The following LOXL3 variants were observed in gnomAD, a reference collection of about 807,000 sequenced individuals.
LOXL3 encodes lysyl oxidase like 3, also known as lysyl oxidase homolog 3.
LOXL3 carries 60 observed loss-of-function variants against 91.8 expected under a neutral mutation model. The ratio of observed to expected loss-of-function variants is 0.65; its 90% CI spans 0.53 to 0.81. LOXL3 has a LOEUF of 0.81. Among genes scored for constraint, LOXL3 ranks in the 30% least tolerant of loss-of-function variants. The probability of loss-of-function intolerance (pLI) is 0.00; values close to 1 mark genes in which losing one functional copy is unlikely to be tolerated. For missense variants in LOXL3, 874 were observed against 1,000.4 expected (o/e 0.87, Z 1.70); for synonymous variants, 355 against 387.6 (o/e 0.92, Z 0.99).
chr2:74,554,768 T>A (rs910621810), upstream of LOXL3: 4 of 1,613,128 alleles, frequency 2.5e-6, no homozygotes, highest in African/African-American at 5.3e-5. This position sits in a 1 kb window ranked among gnomAD's most constrained non-coding sequence, Gnocchi z 4.9. Flanking sequence ...GACGGAGCAG[T>A]GATGGAAGGG....
In LOXL3 at chr2:74,534,511, T is replaced by C; in HGVS notation, c.1823+20A>G. The C allele has an allele frequency of 6.2e-7, 1 of 1,613,842 alleles. No individual in the cohort carries two copies. The highest frequency in any genetic ancestry group is 1.3e-5 in the African/African-American group (1 of 75,052). On this transcript the variant is annotated intron_variant, in intron 10 of 13. Transcript: ENST00000264094. ...ATCCCCCGTGGTCTTGCCCTTCTACTTGACTCCCTACCCTCTCACCCATGG... is the reference window on the plus strand; with the variant it reads ...ATCCCCCGTGGTCTTGCCCTTCTACCTGACTCCCTACCCTCTCACCCATGG...
rs769838891 is a variant in LOXL3, at chr2:74,535,586, A to G, written c.1416+2T>C. Reference sequence around the variant, plus strand: ...CTCGGCTCCCCTTTCCTTCCCACTCACCTGCAGGCCGTGGTTGGCGTAGCC... The same window carrying G: ...CTCGGCTCCCCTTTCCTTCCCACTCGCCTGCAGGCCGTGGTTGGCGTAGCC... On this transcript the variant is annotated splice_donor_variant, in intron 8 of 13. Coordinates refer to ENST00000264094, the MANE Select transcript of LOXL3 (RefSeq NM_032603.5). LOFTEE classifies it high-confidence loss of function. The surrounding 1 kb of genome is among the most constrained non-coding windows in gnomAD (Gnocchi z 4.2). 1.2e-6 allele frequency: 2 copies of G among 1,613,310 alleles called. No individual in the cohort carries two copies. The highest frequency in any genetic ancestry group is 1.7e-6 in the Non-Finnish European group (2 of 1,179,912).
chr2:74,540,725 T>C (rs1415032559), intron 4 of LOXL3, among the ~76,000 whole-genome samples: 1 of 144,854 alleles, frequency 6.9e-6, no homozygotes, highest in African/African-American at 2.5e-5. Flanking sequence ...CAGTGAGCCA[T>C]GGTGCAACCA....
At chr2:74,550,490 G>C in intron 2 of LOXL3, 142 bp from the exon 3 acceptor site, 1 of 861,722 alleles carries the variant, frequency 1.2e-6, no homozygotes, top group South Asian at 1.7e-5. Flanking sequence ...GGGTGGAGAC[G>C]GGACAGGGGA....
intron 4 of LOXL3, among the ~76,000 whole-genome samples, chr2:74,547,118 T>C (rs1421314840): frequency 6.6e-6 from 1 of 150,626 alleles, no homozygotes; most frequent in Admixed American, 6.6e-5. Context: ...TCAAGCAATC[T>C]TCCCACCTCA....
chr2:74,534,244 G>T lies in LOXL3; in HGVS notation c.1940-8C>A. On this transcript the variant is annotated splice_polypyrimidine_tract_variant and splice_region_variant and intron_variant, in intron 11 of 13. Transcript: ENST00000264094. ...CATACCGCTTGGAGACATCTGGAGG[G>T]ATTGGCATATGTCAGTGTAAGGAAA... is the stretch of plus-strand genomic sequence containing the variant. The T allele has an allele frequency of 6.2e-7, 1 of 1,614,214 alleles. No individual in the cohort carries two copies. The highest frequency in any genetic ancestry group is 1.7e-5 in the Admixed American group (1 of 60,030).
intron 4 of LOXL3, among the ~76,000 whole-genome samples, chr2:74,537,267 G>T (rs1349769359): frequency 6.6e-6 from 1 of 152,236 alleles, no homozygotes; most frequent in East Asian, 1.9e-4. Flanking sequence ...TAAGGCCTCA[G>T]GGAAGGGGAA....
At position 74,533,632 on chromosome 2, in the gene LOXL3, C is replaced by T; in HGVS notation, c.2236G>A (p.Gly746Ser). 6.2e-7 allele frequency: 1 copy of T among 1,614,026 alleles called. No homozygotes were observed. The highest frequency in any genetic ancestry group is 1.1e-5 in the South Asian group (1 of 91,064). ...EANRRFERYPGQTSNQII is the reference protein window; with the variant it reads ...EANRRFERYPSQTSNQII Reference sequence around the variant, plus strand: ...TAGATAATCTGGTTGCTGGTCTGGCCAGGGTAGCGTTCAAACCTCCTGTTG... The same window carrying T: ...TAGATAATCTGGTTGCTGGTCTGGCTAGGGTAGCGTTCAAACCTCCTGTTG... Residue 746 changes from glycine (G) to serine (S), a missense_variant, in exon 14 of 14, where the codon GGC becomes AGC. By Grantham distance (56) the Gly-to-Ser change is moderately conservative. Transcript: ENST00000264094.
intron 4 of LOXL3, among the ~76,000 whole-genome samples, chr2:74,543,900 C>CAAAAAAAAAAAAAAAAA (rs960168777): frequency 1.5e-5 from 1 of 65,164 alleles, no homozygotes; most frequent in Non-Finnish European, 3.6e-5. Context: ...GGCTCTGTCT[C>CAAAAAAAAAAAAAAAAA]AAAAAAAAAA....
At chr2:74,545,056 C>A (rs1006868134) in intron 4 of LOXL3, among the ~76,000 whole-genome samples, 4 of 152,176 alleles carry the variant, frequency 2.6e-5, no homozygotes, top group African/African-American at 9.7e-5. Context: ...CTTTGCATAC[C>A]TGGGGACAAT....
rs567126054 is a variant in LOXL3, at chr2:74,538,478, G to C, written c.693-1550C>G. Among the ~76,000 whole-genome samples the C allele has an allele frequency of 9.2e-4, 140 of 152,298 alleles. 1 individual carries two copies. Among genetic ancestry groups the C allele is most frequent in the African/African-American group, 3.3e-3 (137 of 41,560 alleles). On this transcript the variant is annotated intron_variant, in intron 4 of 13. Coordinates refer to ENST00000264094, the MANE Select transcript of LOXL3 (RefSeq NM_032603.5). ...CTTCAGTCCCTCTTGAAGTTATCAG[G>C]GAGACTTTTAATGTGCAAACTGCCT...
At chr2:74,555,402 C>A, upstream of LOXL3, 1 of 1,611,570 alleles carries the variant, frequency 6.2e-7, no homozygotes, top group Non-Finnish European at 8.5e-7. This position sits in a 1 kb window ranked among gnomAD's most constrained non-coding sequence, Gnocchi z 6.1. Context: ...TGGCGGCCGA[C>A]GCGCCGTCCA....
chr2:74,552,943 C>A, intron 1 of LOXL3: 1 of 343,152 alleles, frequency 2.9e-6, no homozygotes, highest in Non-Finnish European at 5.3e-6. Flanking sequence ...GAGCAAGAGA[C>A]ACGTAGAGAG....
At position 74,533,429 on chromosome 2, in the gene LOXL3, A is replaced by G. The variant is rs2104384613; in HGVS notation, c.*177T>C. 1 of 607,008 alleles carries G rather than the reference A, an allele frequency of 1.6e-6. No homozygotes were observed. The highest frequency in any genetic ancestry group is 2.8e-5 in the East Asian group (1 of 35,216). 37.6% of individuals were successfully genotyped at this position (607,008 alleles called of 1,614,324 possible). ...AAGATTCCCATGCTTGGCTACAGAT[A>G]CTGACAGCTGGCCTCTGAAGGAGGG... On this transcript the variant is annotated 3_prime_UTR_variant, in exon 14 of 14. Transcript: ENST00000264094.
rs1205871685 is a variant in LOXL3, at chr2:74,532,568, G to A, written c.*1038C>T. The A allele has an allele frequency of 1.4e-6, 2 of 1,435,176 alleles. No individual in the cohort carries two copies. The highest frequency in any genetic ancestry group is 3.4e-5 in the Admixed American group (2 of 58,356). 88.9% of individuals were successfully genotyped at this position (1,435,176 alleles called of 1,614,324 possible). A position where few individuals can be genotyped will look rare whatever the true frequency, so the allele number is the denominator to read the frequency against. ...ATGAGAGACTTGAGGTGGAACTCAG[G>A]ATGGGGAGAATGCCTGGGTTTGGCT... On this transcript the variant is annotated 3_prime_UTR_variant, in exon 14 of 14. Transcript: ENST00000264094.
At position 74,532,557 on chromosome 2, in the gene LOXL3, G is replaced by C; in HGVS notation, c.*1049C>G. 7.7e-7 allele frequency: 1 copy of C among 1,298,508 alleles called. No individual in the cohort carries two copies. Among genetic ancestry groups the C allele is most frequent in the East Asian group, 2.3e-5 (1 of 43,078 alleles). The allele number at this position is 1,298,508 out of a possible 1,614,324, so 80.4% of individuals were successfully genotyped here. A position where few individuals can be genotyped will look rare whatever the true frequency, so the allele number is the denominator to read the frequency against. ...TCAATGTGTTGATGAGAGACTTGAGGTGGAACTCAGGATGGGGAGAATGCC... is the reference window on the plus strand; with the variant it reads ...TCAATGTGTTGATGAGAGACTTGAGCTGGAACTCAGGATGGGGAGAATGCC... On this transcript the variant is annotated 3_prime_UTR_variant, in exon 14 of 14. Coordinates refer to ENST00000264094, the MANE Select transcript of LOXL3 (RefSeq NM_032603.5).
At chr2:74,555,227 A>G (rs202164682), upstream of LOXL3, 13 of 1,613,708 alleles carry the variant, frequency 8.1e-6, no homozygotes, top group African/African-American at 1.3e-5. The surrounding 1 kb of genome is among the most constrained non-coding windows in gnomAD (Gnocchi z 6.1). Context: ...TTCTTTGACC[A>G]TAAGGGGTCG....
intron 4 of LOXL3, among the ~76,000 whole-genome samples, chr2:74,546,960 C>T (rs1031534935): frequency 5.3e-5 from 8 of 152,042 alleles, no homozygotes; most frequent in Non-Finnish European, 8.8e-5. Flanking sequence ...AGGTGATCCG[C>T]GCCTCGACCT....
At chr2:74,542,600 TATC>T (rs1676386356) in intron 4 of LOXL3, among the ~76,000 whole-genome samples, 1 of 151,812 alleles carries the variant, frequency 6.6e-6, no homozygotes, top group Non-Finnish European at 1.5e-5. Flanking sequence ...TGTCCATACT[TATC>T]ATCTTTATAT....
Sources: allele counts gnomAD v4.1 joint callset (sites outside exome capture counted in the v4.1 genomes callset), GRCh38; gene constraint gnomAD v4.1.1; non-coding constraint Gnocchi (gnomAD v3.1); transcripts MANE v1.5; gene names NCBI Gene and HGNC (gene_info 2026-07-23, HGNC 2026-07-21).